The following ANKAR variants were observed in gnomAD, a reference collection of about 807,000 sequenced individuals.
ANKAR encodes ankyrin and armadillo repeat-containing protein.
In ANKAR, 136 loss-of-function variants were observed where a neutral mutation model predicts 146.2. The ratio of observed to expected loss-of-function variants is 0.93; its 90% confidence interval spans 0.81 to 1.07. The LOEUF is 1.07. ANKAR is among the 50% of genes least tolerant of loss of function. The probability of loss-of-function intolerance (pLI) is 0.00; values close to 1 mark genes in which losing one functional copy is unlikely to be tolerated. For missense variants in ANKAR, 1,567 were observed against 1,679.9 expected (o/e 0.93, Z 1.18); for synonymous variants, 500 against 575.8 (o/e 0.87, Z 1.88).
chr2:189,692,609 TG>T (rs2036590758), intron 4 of ANKAR, 191 bp downstream of exon 4: 1 of 474,906 alleles, frequency 2.1e-6, no homozygotes, highest in South Asian at 3.4e-5. Context: ...GGTACTGTGT[TG>T]GATATCTGAG....
chr2:189,682,339 T>C (rs2034840305), intron 2 of ANKAR, among the ~76,000 whole-genome samples: 1 of 152,094 alleles, frequency 6.6e-6, no homozygotes, highest in South Asian at 2.1e-4. Context: ...GCATTACACC[T>C]AGTAGAAATA....
chr2:189,691,348 G>T (rs1305499570), intron 3 of ANKAR, among the ~76,000 whole-genome samples: 1 of 152,148 alleles, frequency 6.6e-6, no homozygotes, highest in Admixed American at 6.5e-5. Context: ...GAGCCGCCGC[G>T]CCCGGGAGAG....
chr2:189,679,392 A>T (rs886836662), intron 2 of ANKAR, among the ~76,000 whole-genome samples: 3 of 152,106 alleles, frequency 2.0e-5, no homozygotes, highest in African/African-American at 7.2e-5. Flanking sequence ...TAGGCATATG[A>T]TCTTATCATT....
At chr2:189,690,470 G>C (rs1233304173) in intron 3 of ANKAR, among the ~76,000 whole-genome samples, 2 of 152,118 alleles carry the variant, frequency 1.3e-5, no homozygotes, top group African/African-American at 4.8e-5. Context: ...TAAACAAATA[G>C]AGCAATGTAA....
At chr2:189,687,305 A>G (rs1013834900) in intron 2 of ANKAR, among the ~76,000 whole-genome samples, 17 of 152,288 alleles carry the variant, frequency 1.1e-4, no homozygotes, top group Non-Finnish European at 2.1e-4. Context: ...ACGGAATCTC[A>G]TGGCTGAATA....
chr2:189,696,277 A>G lies in ANKAR; in HGVS notation c.1616A>G (p.His539Arg). The G allele has an allele frequency of 6.2e-7, 1 of 1,614,156 alleles. No homozygotes were observed. Among genetic ancestry groups the G allele is most frequent in the Middle Eastern group, 1.6e-4 (1 of 6,062 alleles). ...SDEAGYTIFHHAALHNRVSII... is the reference protein window; with the variant it reads ...SDEAGYTIFHRAALHNRVSII... Reference sequence around the variant, plus strand: ...GAAGCAGGTTATACTATTTTTCATCATGCTGCCCTGCACAACAGAGTTTCT... The same window carrying G: ...GAAGCAGGTTATACTATTTTTCATCGTGCTGCCCTGCACAACAGAGTTTCT... Residue 539 changes from histidine (H) to arginine (R), a missense_variant, in exon 7 of 23, where the codon CAT becomes CGT. Physicochemically the swap from His to Arg is conservative, Grantham distance 29 (BLOSUM62 0). Coordinates refer to ENST00000684021, the MANE Select transcript of ANKAR (RefSeq NM_001378068.1).
Position 189,707,141 on chromosome 2 carries a change from T to C in ANKAR, c.2114T>C (p.Leu705Ser). The change falls in exon 9 of 23, where the codon TTG becomes TCG. Residue 705 changes from leucine (L) to serine (S), a missense_variant. Transcript: ENST00000684021. ...NIPELPVWKTLVEMLQCESYK... is the reference protein window; with the variant it reads ...NIPELPVWKTSVEMLQCESYK... ...CCTGAACTCCCAGTGTGGAAAACTT[T>C]GGTAGGTGAGTATAATCTCTTTATA... 3 of 1,511,924 alleles carry C rather than the reference T, an allele frequency of 2.0e-6. No homozygotes were observed. The highest frequency in any genetic ancestry group is 2.7e-6 in the Non-Finnish European group (3 of 1,124,460). 93.7% of individuals were successfully genotyped at this position (1,511,924 alleles called of 1,614,324 possible).
intron 19 of ANKAR, among the ~76,000 whole-genome samples, chr2:189,740,953 C>G (rs1025418481): frequency 6.6e-6 from 1 of 152,158 alleles, no homozygotes; most frequent in African/African-American, 2.4e-5. Flanking sequence ...CTCGGTCTCC[C>G]AAAGGGCTGG....
At chr2:189,681,050 A>G (rs2034591766) in intron 2 of ANKAR, among the ~76,000 whole-genome samples, 1 of 152,132 alleles carries the variant, frequency 6.6e-6, no homozygotes, top group South Asian at 2.1e-4. Flanking sequence ...CCTTTTTACA[A>G]ATTTACCTGA....
intron 18 of ANKAR, among the ~76,000 whole-genome samples, chr2:189,759,291 C>A (rs74381898): frequency 6.6e-6 from 1 of 151,982 alleles, no homozygotes; most frequent in Non-Finnish European, 1.5e-5. Flanking sequence ...CTCTGTCGCC[C>A]GGGCTGGAGT....
chr2:189,728,166 A>G (rs1462932228), intron 13 of ANKAR, 69 bp downstream of exon 13: 4 of 1,510,078 alleles, frequency 2.6e-6, no homozygotes, highest in Non-Finnish European at 3.5e-6. Flanking sequence ...TTAAGTGAAT[A>G]GAAAAACTAA....
chr2:189,754,075 G>A (rs1035280037), intron 18 of ANKAR: 7 of 1,611,976 alleles, frequency 4.3e-6, no homozygotes, highest in Admixed American at 1.7e-5. Flanking sequence ...CTGCAGAAAT[G>A]AGCAGCTATT....
intron 12 of ANKAR, among the ~76,000 whole-genome samples, chr2:189,723,201 C>T (rs1392180929): frequency 6.6e-6 from 1 of 152,098 alleles, no homozygotes; most frequent in Non-Finnish European, 1.5e-5. Context: ...GATTCACATA[C>T]AGTTTCTTGA....
intron 2 of ANKAR, among the ~76,000 whole-genome samples, chr2:189,679,490 C>T (rs532315430): frequency 6.6e-6 from 1 of 152,254 alleles, no homozygotes; most frequent in East Asian, 1.9e-4. Context: ...CTAGGACTTC[C>T]AGTACTATGT....
At chr2:189,717,272 C>T (rs1195703946) in intron 10 of ANKAR, among the ~76,000 whole-genome samples, 2 of 152,102 alleles carry the variant, frequency 1.3e-5, no homozygotes, top group Non-Finnish European at 2.9e-5. Context: ...AAAAAGCGGG[C>T]AAAGGATATG....
rs769113643 is a variant in ANKAR at position 189,677,129 on chromosome 2, TTTTTTG to T, written c.601+39_601+44del. ...AACACTTCTTAAATTTTTTTTTTTT[TTTTTTG>T]GAACAGAGTCTTACTACGTCACCCA... On this transcript the variant is annotated intron_variant, in intron 2 of 22. Coordinates refer to ENST00000684021, the MANE Select transcript of ANKAR (RefSeq NM_001378068.1). 7 of 1,437,338 alleles carry T rather than the reference TTTTTTG, an allele frequency of 4.9e-6. No homozygotes were observed. In the African/African-American group the frequency reaches 1.1e-4, roughly 23 times the overall value. 89.0% of individuals were successfully genotyped at this position (1,437,338 alleles called of 1,614,324 possible). A position where few individuals can be genotyped will look rare whatever the true frequency, so the allele number is the denominator to read the frequency against.
intron 10 of ANKAR, among the ~76,000 whole-genome samples, chr2:189,715,768 G>C (rs1365980798): frequency 2.0e-5 from 3 of 152,206 alleles, no homozygotes; most frequent in Non-Finnish European, 1.5e-5. Context: ...TCCCTGGGAT[G>C]CAAGGCTGGT....
chr2:189,718,500 TTTGA>T (rs1242592288), intron 10 of ANKAR, among the ~76,000 whole-genome samples: 2 of 152,164 alleles, frequency 1.3e-5, no homozygotes, highest in Non-Finnish European at 2.9e-5. Context: ...TAAATTAAAA[TTTGA>T]TTGATCATAG....
intron 12 of ANKAR, among the ~76,000 whole-genome samples, chr2:189,725,833 G>C (rs2041824617): frequency 6.6e-6 from 1 of 152,160 alleles, no homozygotes; most frequent in Non-Finnish European, 1.5e-5. Context: ...GCTTGAGCCT[G>C]GGAGGCAGAG....
Sources: allele counts gnomAD v4.1 joint callset (sites outside exome capture counted in the v4.1 genomes callset), GRCh38; gene constraint gnomAD v4.1.1; transcripts MANE v1.5; gene names NCBI Gene and HGNC (gene_info 2026-07-23, HGNC 2026-07-21).